Variants in MPO observed in about 807,000 individuals in gnomAD.
The protein encoded by MPO is myeloperoxidase.
Under a neutral mutation model 69.4 loss-of-function variants are expected in MPO, and 57 were observed. The ratio of observed to expected loss-of-function variants is 0.82; its 90% CI spans 0.66 to 1.02. MPO has a LOEUF of 1.02. MPO is among the 50% of genes least tolerant of loss of function. The pLI, the probability that MPO is intolerant of heterozygous loss-of-function variation, is 0.00. For synonymous variants in MPO, 426 were observed against 417.1 expected, an observed-to-expected ratio of 1.02 and a Z score of -0.26; for missense variants, 971 against 1,014.1, an observed-to-expected ratio of 0.96 and a Z score of 0.58.
rs549474642 is a variant in MPO at position 58,280,873 on chromosome 17, C to G, written c.-115G>C. 4.7e-5 allele frequency: 60 copies of G among 1,274,480 alleles called. No homozygotes were observed. Among genetic ancestry groups the G allele is most frequent in the African/African-American group, 6.0e-5 (4 of 67,034 alleles). The allele number at this position is 1,274,480 out of a possible 1,614,324, so 78.9% of individuals were successfully genotyped here. ...GGAGGGGCTCACTGCTCTCTTATCC[C>G]CTTGCCAGCTGCTGTCATCCAGCTT... is the stretch of plus-strand genomic sequence containing the variant. On this transcript the variant is annotated 5_prime_UTR_variant, in exon 1 of 12. Coordinates refer to ENST00000225275, the MANE Select transcript of MPO (RefSeq NM_000250.2).
rs778426578 is a variant in MPO at position 58,271,815 on chromosome 17, G to A, written c.1870C>T (p.Leu624=). ...VGQLGTVLRN[L]KLARKLMEQY... Reference sequence around the variant, plus strand: ...TCCATCAGTTTCCTCGCCAATTTCAGGTTCCTCAGCACCGTGCCCAGCTGG... The same window carrying A: ...TCCATCAGTTTCCTCGCCAATTTCAAGTTCCTCAGCACCGTGCCCAGCTGG... Residue 624 remains leucine, a synonymous_variant, in exon 11 of 12, where the codon CTG becomes TTG. Transcript: ENST00000225275. 1.7e-5 allele frequency: 27 copies of A among 1,614,196 alleles called. No individual in the cohort carries two copies. Among genetic ancestry groups the A allele is most frequent in the Non-Finnish European group, 2.0e-5 (24 of 1,180,038 alleles).
At position 58,273,684 on chromosome 17, in the gene MPO, T is replaced by C. The variant is rs1392187867; in HGVS notation, c.1366-15A>G. The C allele has an allele frequency of 6.2e-7, 1 of 1,614,076 alleles. No homozygotes were observed. Among genetic ancestry groups the C allele is most frequent in the South Asian group, 1.1e-5 (1 of 91,072 alleles). Reference sequence around the variant, plus strand: ...TAAGTGATGATCTAAAGACAAGTCATTTGGAATGGCCTCTCCACCCACTCC... The same window carrying C: ...TAAGTGATGATCTAAAGACAAGTCACTTGGAATGGCCTCTCCACCCACTCC... On this transcript the variant is annotated splice_polypyrimidine_tract_variant and intron_variant, in intron 8 of 11. Transcript: ENST00000225275.
chr17:58,270,867 C>T lies in MPO; in HGVS notation c.2031-4G>A. On this transcript the variant is annotated splice_polypyrimidine_tract_variant and splice_region_variant and intron_variant, in intron 11 of 11. Transcript: ENST00000225275. The surrounding 1 kb of genome is among the most constrained non-coding windows in gnomAD (Gnocchi z 4.1). ...ACCCTCGTTCTCCCACCAAAACCTG[C>T]ATGGGGAACACCCATGGACACTGTG... is the stretch of plus-strand genomic sequence containing the variant. 1 of 1,612,942 alleles carries T rather than the reference C, an allele frequency of 6.2e-7. No individual in the cohort carries two copies.
Position 58,270,701 on chromosome 17 carries a change from A to G in MPO, c.2193T>C (p.Ser731=), listed in dbSNP as rs958924282. The G allele has an allele frequency of 4.3e-6, 7 of 1,613,570 alleles. No individual in the cohort carries two copies. Among genetic ancestry groups the G allele is most frequent in the Non-Finnish European group, 5.1e-6 (6 of 1,179,572 alleles). The change falls in exon 12 of 12, where the codon AGT becomes AGC. Residue 731 remains serine, a synonymous_variant. Coordinates refer to ENST00000225275, the MANE Select transcript of MPO (RefSeq NM_000250.2). The surrounding 1 kb of genome is among the most constrained non-coding windows in gnomAD (Gnocchi z 4.1). ...NSYPRDFVNC[S]TLPALNLASW... ...AAGCCAGGTTCAATGCAGGAAGTGT[A>G]CTGCAGTTGACAAAGTCCCGGGGAT...
intron 11 of MPO, among the ~76,000 whole-genome samples, chr17:58,271,105 G>A (rs1289039563): frequency 6.6e-6 from 1 of 152,164 alleles, no homozygotes; most frequent in East Asian, 1.9e-4. Flanking sequence ...GCGGCCTCCA[G>A]GGCACCATGC....
At chr17:58,274,357 T>A in intron 8 of MPO, 1 of 361,160 alleles carries the variant, frequency 2.8e-6, no homozygotes, top group Non-Finnish European at 5.7e-6. Context: ...AGTGTGTGTG[T>A]GTGTGTGTGT....
intron 9 of MPO, 135 bp from the exon 10 acceptor site, chr17:58,273,053 G>T: frequency 8.8e-7 from 1 of 1,131,776 alleles, no homozygotes; most frequent in Non-Finnish European, 1.3e-6. Context: ...CTGGTGCCAA[G>T]GTGGTGGCCC....
chr17:58,274,315 A>G, intron 8 of MPO: 1 of 447,668 alleles, frequency 2.2e-6, no homozygotes, highest in Admixed American at 2.4e-5. Flanking sequence ...ACTCACCCTT[A>G]GCACCGAAAA....
chr17:58,272,095 G>A (rs2143966989), intron 10 of MPO, among the ~76,000 whole-genome samples: 1 of 152,262 alleles, frequency 6.6e-6, no homozygotes, highest in Non-Finnish European at 1.5e-5. Flanking sequence ...GGCACAACTG[G>A]GCCTCTCTGG....
rs758609693 is a variant in MPO at position 58,277,874 on chromosome 17, G to A, written c.1157C>T (p.Pro386Leu). 4 of 1,608,830 alleles carry A rather than the reference G, an allele frequency of 2.5e-6. No individual in the cohort carries two copies. In the African/African-American group the frequency reaches 5.3e-5, roughly 21 times the overall value. ...CGCTGAGCGGTTGGTGAGGAGACAG[G>A]GGTCATCGTGCAGGTTGTCAAAGGG... ...LLPFDNLHDD[P>L]CLLTNRSARI... Residue 386 changes from proline to leucine, a missense_variant, in exon 7 of 12, where the codon CCC (proline) becomes CTC (leucine). Pro to Leu is a moderately conservative substitution (Grantham distance 98). Coordinates refer to ENST00000225275, the MANE Select transcript of MPO (RefSeq NM_000250.2).
At position 58,270,635 on chromosome 17, in the gene MPO, C is replaced by T. The variant is rs772350102; in HGVS notation, c.*21G>A. On this transcript the variant is annotated 3_prime_UTR_variant, in exon 12 of 12. Transcript: ENST00000225275. The surrounding 1 kb of genome is among the most constrained non-coding windows in gnomAD (Gnocchi z 4.1). ...GCCAGCCCAGATATACCCCTCACTGCTGCACCCCCTTACCTGGCCTCTAGG... is the reference window on the plus strand; with the variant it reads ...GCCAGCCCAGATATACCCCTCACTGTTGCACCCCCTTACCTGGCCTCTAGG... 4.4e-6 allele frequency: 7 copies of T among 1,586,820 alleles called. No homozygotes were observed. The African/African-American group carries it at 8.1e-5, about 18-fold the overall frequency.
chr17:58,273,773 G>A (rs1598040254), intron 8 of MPO, 104 bp from the exon 9 acceptor site: 3 of 1,543,518 alleles, frequency 1.9e-6, no homozygotes, highest in Non-Finnish European at 2.7e-6. Flanking sequence ...TTGGCTTCGG[G>A]GACCCCTTCC....
Position 58,279,902 on chromosome 17 carries a change from C to A in MPO, c.361G>T (p.Val121Leu), listed in dbSNP as rs894885047. The A allele has an allele frequency of 6.2e-7, 1 of 1,614,084 alleles. No individual in the cohort carries two copies. The highest frequency in any genetic ancestry group is 8.5e-7 in the Non-Finnish European group (1 of 1,180,018). The change falls in exon 3 of 12, where the codon GTG becomes TTG. Residue 121 changes from valine to leucine, a missense_variant. Physicochemically the swap from Val to Leu is conservative, Grantham distance 32. Coordinates refer to ENST00000225275, the MANE Select transcript of MPO (RefSeq NM_000250.2). Reference protein sequence around the residue: ...TAVRAADYLHVALDLLERKLR... With the variant: ...TAVRAADYLHLALDLLERKLR... ...TTCCTCTCCAGCAGGTCTAGAGCCA[C>A]GTGCAGGTAGTCAGCGGCCCTCACC...
chr17:58,271,687 A>G lies in MPO; in HGVS notation c.1998T>C (p.Gly666=). 5 of 1,613,914 alleles carry G rather than the reference A, an allele frequency of 3.1e-6. No homozygotes were observed. The highest frequency in any genetic ancestry group is 4.2e-6 in the Non-Finnish European group (5 of 1,180,026). Residue 666 remains glycine, a synonymous_variant, in exon 11 of 12, where the codon GGT becomes GGC. Coordinates refer to ENST00000225275, the MANE Select transcript of MPO (RefSeq NM_000250.2). ...CATCCCGGAGCTTCCTGAACTGGGTACCGATGATGCAGGCGAGGAGTGGGC... is the reference window on the plus strand; with the variant it reads ...CATCCCGGAGCTTCCTGAACTGGGTGCCGATGATGCAGGCGAGGAGTGGGC... ...RVGPLLACII[G]TQFRKLRDGD...
Position 58,279,033 on chromosome 17 carries a change from T to C in MPO, c.860A>G (p.Gln287Arg), listed in dbSNP as rs767523236. Residue 287 changes from glutamine to arginine, a missense_variant, in exon 6 of 12, where the codon CAG (glutamine) becomes CGG (arginine). By Grantham distance (43) the Gln-to-Arg change is conservative. Transcript: ENST00000225275. ...CTTGAGCGGGAAGCAGGGCGGCTGC[T>C]GAACGCAGCTGGTCTCGCAGTTGAC... is the stretch of plus-strand genomic sequence containing the variant. ...TGVNCETSCV[Q>R]QPPCFPLKIP... The C allele has an allele frequency of 6.2e-7, 1 of 1,611,592 alleles. No homozygotes were observed. The highest frequency in any genetic ancestry group is 1.3e-5 in the African/African-American group (1 of 74,940).
rs1970368703 is a variant in MPO at position 58,271,816 on chromosome 17, G to T, written c.1869C>A (p.Asn623Lys). 1 of 1,614,202 alleles carries T rather than the reference G, an allele frequency of 6.2e-7. No homozygotes were observed. ...TVGQLGTVLR[N>K]LKLARKLMEQ... Reference sequence around the variant, plus strand: ...CCATCAGTTTCCTCGCCAATTTCAGGTTCCTCAGCACCGTGCCCAGCTGGC... The same window carrying T: ...CCATCAGTTTCCTCGCCAATTTCAGTTTCCTCAGCACCGTGCCCAGCTGGC... The change falls in exon 11 of 12, where the codon AAC (asparagine) becomes AAA (lysine). Residue 623 changes from asparagine to lysine, a missense_variant. Transcript: ENST00000225275.
rs138170955 is a variant in MPO at position 58,273,601 on chromosome 17, C to G, written c.1434G>C (p.Thr478=). 2 of 1,614,162 alleles carry G rather than the reference C, an allele frequency of 1.2e-6. No individual in the cohort carries two copies. Among genetic ancestry groups the G allele is most frequent in the South Asian group, 1.1e-5 (1 of 91,086 alleles). ...CCACTGAGTCATTGTAGGAACGGTA[C>G]GTGGGCAGGTACTTCCTCATGGCCG... The part of the protein sequence containing the change: ...GPTAMRKYLP[T]YRSYNDSVDP... The change falls in exon 9 of 12, where the codon ACG becomes ACC. Residue 478 remains threonine (T), a synonymous_variant. Coordinates refer to ENST00000225275, the MANE Select transcript of MPO (RefSeq NM_000250.2).
intron 6 of MPO, among the ~76,000 whole-genome samples, 157 bp from the exon 7 acceptor site, chr17:58,278,302 A>C (rs372802135): frequency 1.7e-4 from 26 of 152,218 alleles, no homozygotes; most frequent in African/African-American, 6.0e-4. Context: ...CGCCATCAGC[A>C]ACAGCCTCTG....
rs764662494 is a variant in MPO at position 58,279,445 on chromosome 17, C to T, written c.549-19G>A. ...GCTGCGTCTGCAGGGGAGGACAGGG[C>T]GCTGACACCGGGAGGCTTGTGGCGT... On this transcript the variant is annotated intron_variant, in intron 4 of 11. Coordinates refer to ENST00000225275, the MANE Select transcript of MPO (RefSeq NM_000250.2). 25 of 1,611,340 alleles carry T rather than the reference C, an allele frequency of 1.6e-5. No individual in the cohort carries two copies. The highest frequency in any genetic ancestry group is 2.2e-5 in the East Asian group (1 of 44,804).
Sources: allele counts gnomAD v4.1 joint callset (sites outside exome capture counted in the v4.1 genomes callset), GRCh38; gene constraint gnomAD v4.1.1; non-coding constraint Gnocchi (gnomAD v3.1); transcripts MANE v1.5; gene names NCBI Gene and HGNC (gene_info 2026-07-23, HGNC 2026-07-21).